CACNA1D: variants seen among roughly 807,000 people sequenced by gnomAD.
The protein encoded by CACNA1D is voltage-dependent L-type calcium channel subunit alpha-1D.
CACNA1D carries 55 observed loss-of-function variants against 257.1 expected under a neutral mutation model. The ratio of observed to expected loss-of-function variants is 0.21; its 90% CI spans 0.17 to 0.27. CACNA1D has a LOEUF of 0.27. CACNA1D is among the 10% of genes least tolerant of loss of function. The pLI is 1.00. For synonymous variants in CACNA1D, 980 were observed against 1,014.9 expected, an observed-to-expected ratio of 0.97 and a Z score of 0.65; for missense variants, 1,876 against 2,784.0, an observed-to-expected ratio of 0.67 and a Z score of 7.34.
chr3:53,740,330 C>A lies in CACNA1D; in HGVS notation c.2802C>A (p.Ile934=), dbSNP rs772604861. ...TCACAGCCATCTTTACTGTTGAGAT[C>A]CTGTTGAAGGTAATGAATTTTCCTT... ...YAFTAIFTVE[I]LLKMTTFGAF... is the part of the protein sequence containing the mutation. The change falls in exon 21 of 48, where the codon ATC becomes ATA. Residue 934 remains isoleucine (I), a synonymous_variant. Coordinates refer to ENST00000350061, the MANE Select transcript of CACNA1D (RefSeq NM_001128840.3). 5 of 1,608,484 alleles carry A rather than the reference C, an allele frequency of 3.1e-6. No homozygotes were observed. Among genetic ancestry groups the A allele is most frequent in the Non-Finnish European group, 4.3e-6 (5 of 1,174,848 alleles).
chr3:53,516,136 T>C (rs1175660522), intron 3 of CACNA1D, among the ~76,000 whole-genome samples: 1 of 152,216 alleles, frequency 6.6e-6, no homozygotes, highest in Admixed American at 6.5e-5. Context: ...TCAATACAAA[T>C]AATGTGCGAG....
chr3:53,759,034 G>T (rs936620686), intron 29 of CACNA1D, among the ~76,000 whole-genome samples: 1 of 152,184 alleles, frequency 6.6e-6, no homozygotes, highest in Non-Finnish European at 1.5e-5. Context: ...CTGGACTCCT[G>T]TCAGAGCCAC....
chr3:53,643,188 G>T (rs895175438), intron 3 of CACNA1D, among the ~76,000 whole-genome samples: 11 of 152,180 alleles, frequency 7.2e-5, no homozygotes, highest in African/African-American at 2.7e-4. Context: ...GACTACTGTA[G>T]CCAGTTTCTT....
At chr3:53,685,315 A>G (rs1243499782) in intron 8 of CACNA1D, among the ~76,000 whole-genome samples, 1 of 152,202 alleles carries the variant, frequency 6.6e-6, no homozygotes, top group Non-Finnish European at 1.5e-5. Flanking sequence ...GCTTGAGAGT[A>G]CATGAAGCAA....
intron 3 of CACNA1D, among the ~76,000 whole-genome samples, chr3:53,552,476 G>A (rs1328063152): frequency 6.6e-6 from 1 of 152,058 alleles, no homozygotes; most frequent in Non-Finnish European, 1.5e-5. Flanking sequence ...TGCCTTCCAG[G>A]TTCAGGCAAT....
intron 3 of CACNA1D, among the ~76,000 whole-genome samples, chr3:53,523,150 A>C (rs1165476393): frequency 6.6e-6 from 1 of 152,126 alleles, no homozygotes; most frequent in African/African-American, 2.4e-5. Context: ...CAGTTCCAAG[A>C]ATTTGCAAGA....
intron 11 of CACNA1D, among the ~76,000 whole-genome samples, chr3:53,720,060 G>C (rs2094865732): frequency 6.6e-6 from 1 of 152,150 alleles, no homozygotes; most frequent in Non-Finnish European, 1.5e-5. Context: ...TAAGAGAGCT[G>C]CTGCTTGTCA....
At position 53,774,402 on chromosome 3, in the gene CACNA1D, G is replaced by C. The variant is rs947609404; in HGVS notation, c.4111-185G>C. On this transcript the variant is annotated intron_variant, in intron 33 of 47. Coordinates refer to ENST00000350061, the MANE Select transcript of CACNA1D (RefSeq NM_001128840.3). This position sits in a 1 kb window ranked among gnomAD's most constrained non-coding sequence, Gnocchi z 4.3. Reference sequence around the variant, plus strand: ...GCCCCTCTGGAGCACCACGTTCCCAGTGTGTAACCTGCTGCCTGGCACATG... The same window carrying C: ...GCCCCTCTGGAGCACCACGTTCCCACTGTGTAACCTGCTGCCTGGCACATG... 1.3e-5 allele frequency: 8 copies of C among 606,612 alleles called. No individual in the cohort carries two copies. The highest frequency in any genetic ancestry group is 7.6e-5 in the Admixed American group (3 of 39,220). 37.6% of individuals were successfully genotyped at this position (606,612 alleles called of 1,614,324 possible).
At chr3:53,717,973 C>A (rs918318117) in intron 9 of CACNA1D, among the ~76,000 whole-genome samples, 1 of 152,092 alleles carries the variant, frequency 6.6e-6, no homozygotes, top group African/African-American at 2.4e-5. Context: ...CAGTGTGATC[C>A]CAGAGATGAG....
intron 3 of CACNA1D, among the ~76,000 whole-genome samples, chr3:53,538,823 A>G (rs2092212705): frequency 6.6e-6 from 1 of 152,228 alleles, no homozygotes; most frequent in African/African-American, 2.4e-5. Context: ...TCAGAGGTAC[A>G]TATCCATAAA....
intron 22 of CACNA1D, among the ~76,000 whole-genome samples, 184 bp downstream of exon 22, chr3:53,743,301 T>C (rs1201744667): frequency 6.6e-6 from 1 of 152,256 alleles, no homozygotes; most frequent in Non-Finnish European, 1.5e-5. Context: ...TGTGTGTTTT[T>C]TTCTTTTTGT....
rs2095163890 is a variant in CACNA1D, at chr3:53,745,888, A to C, written c.3167+13A>C. The stretch of plus-strand genomic sequence containing the variant: ...CTGAAGAATGCAGGTGAGCGTCCTG[A>C]GAGTGGAGTAGGGGACTTAGAAGAG... On this transcript the variant is annotated intron_variant, in intron 25 of 47. Transcript: ENST00000350061. 1.9e-6 allele frequency: 3 copies of C among 1,605,534 alleles called. No homozygotes were observed. The highest frequency in any genetic ancestry group is 2.2e-5 in the South Asian group (2 of 90,910).
intron 27 of CACNA1D, 142 bp downstream of exon 27, chr3:53,749,611 C>T: frequency 1.4e-6 from 1 of 690,324 alleles, no homozygotes; most frequent in Non-Finnish European, 2.6e-6. Flanking sequence ...TAAGCACACC[C>T]TCAGCCCATT....
chr3:53,561,146 G>T (rs1260562858), intron 3 of CACNA1D, among the ~76,000 whole-genome samples: 1 of 152,200 alleles, frequency 6.6e-6, no homozygotes, highest in Non-Finnish European at 1.5e-5. Context: ...CTCAAGTCAT[G>T]ACTAAACTGG....
At chr3:53,799,884 G>A (rs1165819324) in intron 40 of CACNA1D, 1 of 349,180 alleles carries the variant, frequency 2.9e-6, no homozygotes, top group Non-Finnish European at 5.6e-6. Context: ...CTCTGGGCTT[G>A]GAGAGATAGG....
At chr3:53,507,082 A>AC (rs2090881596) in intron 3 of CACNA1D, among the ~76,000 whole-genome samples, 2 of 150,444 alleles carry the variant, frequency 1.3e-5, no homozygotes, top group African/African-American at 2.4e-5. Flanking sequence ...CAAAAAAAAA[A>AC]AAAAAAAAAA....
In CACNA1D at chr3:53,776,728, A is replaced by G. The variant is rs914045811; in HGVS notation, c.4488A>G (p.Ala1496=). 2.5e-6 allele frequency: 4 copies of G among 1,614,120 alleles called. No individual in the cohort carries two copies. Among genetic ancestry groups the G allele is most frequent in the East Asian group, 2.2e-5 (1 of 44,902 alleles). ...TATGGTCAGAATATGACCCTGAGGC[A>G]AAGTAGGTTGAAAAATATTTGATTT... ...KRIWSEYDPE[A]KGRIKHLDVV... is the part of the protein sequence containing the mutation. Residue 1496 remains alanine, a splice_region_variant and synonymous_variant, in exon 36 of 48, where the codon GCA becomes GCG. Transcript: ENST00000350061.
chr3:53,802,700 C>T (rs1272712475), intron 43 of CACNA1D, among the ~76,000 whole-genome samples: 1 of 152,196 alleles, frequency 6.6e-6, no homozygotes, highest in African/African-American at 2.4e-5. Context: ...GATGGGTCTT[C>T]CTGTGTCATG....
intron 29 of CACNA1D, among the ~76,000 whole-genome samples, chr3:53,760,978 C>T (rs1029455803): frequency 6.6e-6 from 1 of 152,162 alleles, no homozygotes; most frequent in Non-Finnish European, 1.5e-5. Flanking sequence ...ATTCAGCCAT[C>T]AGTACGTAAG....
Sources: allele counts gnomAD v4.1 joint callset (sites outside exome capture counted in the v4.1 genomes callset), GRCh38; gene constraint gnomAD v4.1.1; non-coding constraint Gnocchi (gnomAD v3.1); transcripts MANE v1.5; gene names NCBI Gene and HGNC (gene_info 2026-07-23, HGNC 2026-07-21).